RTN1: variants seen among roughly 807,000 people sequenced by gnomAD.
RTN1 encodes the protein reticulon-1.
Under a neutral mutation model 65.5 loss-of-function variants are expected in RTN1, and 25 were observed. The ratio of observed to expected loss-of-function variants is 0.38; its 90% CI spans 0.28 to 0.53. The LOEUF (loss-of-function observed/expected upper bound fraction) is 0.53. Among genes scored for constraint, RTN1 ranks in the 20% least tolerant of loss-of-function variants. The probability of loss-of-function intolerance (pLI) is 0.79; values close to 1 mark genes in which losing one functional copy is unlikely to be tolerated. For synonymous variants in RTN1, 471 were observed against 447.6 expected (o/e 1.05, Z -0.66); for missense variants, 983 against 1,025.4 (o/e 0.96, Z 0.57).
intron 3 of RTN1, among the ~76,000 whole-genome samples, chr14:59,613,658 A>G (rs534544542): frequency 1.3e-5 from 2 of 152,198 alleles, no homozygotes; most frequent in African/African-American, 4.8e-5. Context: ...TTTCTGGAAA[A>G]AGGATTTTTC....
At chr14:59,674,988 G>A (rs1427621266) in intron 3 of RTN1, among the ~76,000 whole-genome samples, 1 of 151,850 alleles carries the variant, frequency 6.6e-6, no homozygotes, top group Non-Finnish European at 1.5e-5. Flanking sequence ...TCTAGGTGCT[G>A]GACTTAAAAG....
chr14:59,804,283 A>C (rs1886597564), intron 1 of RTN1, among the ~76,000 whole-genome samples: 5 of 151,982 alleles, frequency 3.3e-5, no homozygotes, highest in Admixed American at 3.3e-4. Flanking sequence ...TTTTTTCCTC[A>C]TCATTAGACT....
At chr14:59,719,113 C>T (rs1884597138) in intron 3 of RTN1, among the ~76,000 whole-genome samples, 1 of 152,164 alleles carries the variant, frequency 6.6e-6, no homozygotes, top group Admixed American at 6.5e-5. Flanking sequence ...ATGTCACTTT[C>T]TAGTTTAAAA....
intron 2 of RTN1, among the ~76,000 whole-genome samples, chr14:59,740,936 AG>A (rs777859898): frequency 1.2e-4 from 18 of 152,324 alleles, no homozygotes; most frequent in Admixed American, 2.0e-4. Flanking sequence ...GAGATAAGAA[AG>A]GCACCCCAGG....
At chr14:59,725,507 TAGCA>T (rs1374941538) in intron 3 of RTN1, among the ~76,000 whole-genome samples, 2 of 152,164 alleles carry the variant, frequency 1.3e-5, no homozygotes, top group Non-Finnish European at 2.9e-5. Context: ...GTCAGGATAG[TAGCA>T]AAAAAACCCA....
chr14:59,767,082 G>A (rs75445756), intron 1 of RTN1, among the ~76,000 whole-genome samples: 2,395 of 152,212 alleles, frequency 0.016, 62 homozygotes, highest in African/African-American at 0.055. Context: ...CTGCTAAATT[G>A]TCCCCCAGTG....
chr14:59,630,655 C>A (rs1309769904), intron 3 of RTN1: 1 of 1,244,510 alleles, frequency 8.0e-7, no homozygotes, highest in African/African-American at 1.6e-5. Flanking sequence ...CGGTGAGGGG[C>A]GGGAGCGTCG....
At chr14:59,749,288 C>CTATA (rs1286292400) in intron 1 of RTN1, among the ~76,000 whole-genome samples, 1 of 24,182 alleles carries the variant, frequency 4.1e-5, no homozygotes, top group African/African-American at 3.1e-4. Context: ...CTATATATAT[C>CTATA]TATATATATC....
intron 2 of RTN1, among the ~76,000 whole-genome samples, chr14:59,736,324 C>G (rs796619149): frequency 6.6e-6 from 1 of 151,822 alleles, no homozygotes; most frequent in Non-Finnish European, 1.5e-5. Flanking sequence ...TAAACACAAT[C>G]AGAAATGATA....
intron 1 of RTN1, among the ~76,000 whole-genome samples, chr14:59,807,651 A>G (rs79164902): frequency 0.012 from 1,841 of 152,290 alleles, 34 homozygotes; most frequent in African/African-American, 0.041. Context: ...CCTGAGTCAT[A>G]AGAGGGAAAA....
intron 2 of RTN1, among the ~76,000 whole-genome samples, chr14:59,730,120 T>C (rs1383971875): frequency 6.6e-6 from 1 of 152,234 alleles, no homozygotes; most frequent in Non-Finnish European, 1.5e-5. Context: ...AACCTTTGAG[T>C]GTGTCACTTT....
intron 3 of RTN1, among the ~76,000 whole-genome samples, chr14:59,629,613 C>G (rs142854901): frequency 7.2e-4 from 109 of 152,318 alleles, no homozygotes; most frequent in African/African-American, 2.6e-3. Flanking sequence ...TCTCCTCATA[C>G]TCTGTAACTG....
chr14:59,607,900 TAAA>T (rs1339057957), intron 3 of RTN1, among the ~76,000 whole-genome samples: 1 of 130,880 alleles, frequency 7.6e-6, no homozygotes. Flanking sequence ...GACTCTGTCT[TAAA>T]AAAAAAAAAA....
chr14:59,596,906 G>A (rs377435377), intron 8 of RTN1, 119 bp from the exon 9 acceptor site: 3 of 745,674 alleles, frequency 4.0e-6, no homozygotes, highest in Non-Finnish European at 7.1e-6. Flanking sequence ...AGATATTATA[G>A]TCTTTATGTA....
intron 3 of RTN1, among the ~76,000 whole-genome samples, chr14:59,659,494 A>G (rs578189964): frequency 2.0e-5 from 3 of 152,208 alleles, no homozygotes; most frequent in South Asian, 2.1e-4. Flanking sequence ...CAGAGAGAAA[A>G]GTCGGGTTAC....
At chr14:59,603,663 A>G (rs907342765) in intron 6 of RTN1, 189 bp downstream of exon 6, 1 of 365,096 alleles carries the variant, frequency 2.7e-6, no homozygotes, top group Non-Finnish European at 4.9e-6. Flanking sequence ...TTAGGAATTC[A>G]TTATTAGTGT....
intron 1 of RTN1, among the ~76,000 whole-genome samples, chr14:59,748,940 C>T (rs1885288816): frequency 6.6e-6 from 1 of 151,486 alleles, no homozygotes; most frequent in African/African-American, 2.4e-5. Flanking sequence ...CAGGCATGTG[C>T]CACCACACCC....
At chr14:59,821,696 CCA>C (rs1886947277) in intron 1 of RTN1, among the ~76,000 whole-genome samples, 1 of 151,922 alleles carries the variant, frequency 6.6e-6, no homozygotes, top group Non-Finnish European at 1.5e-5. Context: ...CTTTCGATGC[CCA>C]GTTTGTTGAG....
intron 3 of RTN1, among the ~76,000 whole-genome samples, chr14:59,717,726 T>C (rs1429664590): frequency 6.6e-6 from 1 of 152,182 alleles, no homozygotes; most frequent in African/African-American, 2.4e-5. Flanking sequence ...GTAAACAGTA[T>C]ACATTTCACT....
Sources: allele counts gnomAD v4.1 joint callset (sites outside exome capture counted in the v4.1 genomes callset), GRCh38; gene constraint gnomAD v4.1.1; transcripts MANE v1.5; gene names NCBI Gene and HGNC (gene_info 2026-07-23, HGNC 2026-07-21).